Variants in PSMC2 observed in about 807,000 individuals in gnomAD.
PSMC2 encodes 26S proteasome regulatory subunit 7.
A neutral mutation model predicts 53.3 loss-of-function variants in PSMC2; 7 were observed. That is an observed-to-expected ratio of 0.13 (90% CI 0.07 to 0.25). The LOEUF (loss-of-function observed/expected upper bound fraction) is 0.25, where lower values mean the gene tolerates loss of function less well. Among genes scored for constraint, PSMC2 ranks in the 10% least tolerant of loss-of-function variants. PSMC2 has a pLI of 1.00. For synonymous variants in PSMC2, 169 were observed against 183.9 expected, an observed-to-expected ratio of 0.92 and a Z score of 0.66; for missense variants, 241 against 544.0, an observed-to-expected ratio of 0.44 and a Z score of 5.54.
chr7:103,367,869 GC>G lies in PSMC2; in HGVS notation c.1145-25del, dbSNP rs774110382. On this transcript the variant is annotated intron_variant, in intron 11 of 11. Coordinates refer to ENST00000292644, the MANE Select transcript of PSMC2 (RefSeq NM_002803.4). This position sits in a 1 kb window ranked among gnomAD's most constrained non-coding sequence, Gnocchi z 6.1. The stretch of plus-strand genomic sequence containing the variant: ...TGTCTGCTCAGGCTGCTTTAATTAA[GC>G]CCGTTTATTTTCTTTTTGTTTGAAA... 2 of 1,611,812 alleles carry G rather than the reference GC, an allele frequency of 1.2e-6. No homozygotes were observed. The highest frequency in any genetic ancestry group is 2.7e-5 in the African/African-American group (2 of 74,628).
chr7:103,356,503 C>T (rs147241387), intron 4 of PSMC2, among the ~76,000 whole-genome samples: 24 of 152,258 alleles, frequency 1.6e-4, no homozygotes, highest in African/African-American at 5.5e-4. Context: ...GTAAGATACG[C>T]AGTTTTCAAT....
In PSMC2 at chr7:103,361,454, G is replaced by A. The variant is rs1320605138; in HGVS notation, c.291-503G>A. ...GAACCCAAGAGGTGGAGGTTGCAGT[G>A]AGCCAAGATCACACCATTGTGTTTC... On this transcript the variant is annotated intron_variant, in intron 4 of 11. Coordinates refer to ENST00000292644, the MANE Select transcript of PSMC2 (RefSeq NM_002803.4). Among the ~76,000 whole-genome samples the A allele has an allele frequency of 4.3e-5, 6 of 138,074 alleles. No homozygotes were observed. The East Asian group carries it at 1.1e-3, about 26-fold the overall frequency. The allele number at this position is 138,074 out of a possible 152,430, so 90.6% of individuals were successfully genotyped here.
chr7:103,347,741 G>T lies in PSMC2; in HGVS notation c.30G>T (p.Arg10=). 1 of 1,613,934 alleles carries T rather than the reference G, an allele frequency of 6.2e-7. No individual in the cohort carries two copies. Residue 10 remains arginine (R), a synonymous_variant, in exon 1 of 12, where the codon CGG becomes CGT. Coordinates refer to ENST00000292644, the MANE Select transcript of PSMC2 (RefSeq NM_002803.4). MPDYLGADQ[R]KTKEDEKDDK... ...CGGATTACCTCGGTGCCGATCAGCG[G>T]AAGACCAAAGAGGATGAGAAGGACG...
At chr7:103,351,530 C>G (rs752395882) in intron 1 of PSMC2, among the ~76,000 whole-genome samples, 6 of 152,146 alleles carry the variant, frequency 3.9e-5, no homozygotes, top group Non-Finnish European at 7.4e-5. Context: ...TCTAGACTCC[C>G]TGAAGGAAGA....
At position 103,354,365 on chromosome 7, in the gene PSMC2, A is replaced by ATT. The variant is rs752847513; in HGVS notation, c.108+426_108+427dup. 5.3e-3 allele frequency among the ~76,000 whole-genome samples: 710 copies of ATT among 134,532 alleles called. 7 individuals are homozygous for ATT. The highest frequency in any genetic ancestry group is 0.018 in the African/African-American group (657 of 35,982). The allele number at this position is 134,532 out of a possible 152,430, so 88.3% of individuals were successfully genotyped here. ...ATAGTTTTGCATAATTTCACACACG[A>ATT]TTTTTTTTTTTTTTTTTTTTGAAAC... On this transcript the variant is annotated intron_variant, in intron 2 of 11. Transcript: ENST00000292644.
In PSMC2 at chr7:103,352,833, C is replaced by T; in HGVS notation, c.71-1088C>T. ...ACTAACAGATTCCAGAGCTGGCATT[C>T]AAACCCTGTCCACCTGGCCCCAAAG... is the stretch of plus-strand genomic sequence containing the variant. On this transcript the variant is annotated intron_variant, in intron 1 of 11. Transcript: ENST00000292644. The T allele has an allele frequency of 3.8e-6, 3 of 780,742 alleles. No individual in the cohort carries two copies. In the Admixed American group the frequency reaches 5.1e-5, roughly 13 times the overall value. 48.4% of individuals were successfully genotyped at this position (780,742 alleles called of 1,614,324 possible). A position where few individuals can be genotyped will look rare whatever the true frequency, so the allele number is the denominator to read the frequency against.
intron 7 of PSMC2, 36 bp downstream of exon 7, chr7:103,363,475 A>G (rs762704092): frequency 1.3e-6 from 2 of 1,549,952 alleles, no homozygotes; most frequent in Non-Finnish European, 8.9e-7. Context: ...ATTTCTTTGT[A>G]TAAAGATGTC....
At chr7:103,363,752 T>C (rs1460245947) in intron 7 of PSMC2, among the ~76,000 whole-genome samples, 1 of 152,166 alleles carries the variant, frequency 6.6e-6, no homozygotes, top group Non-Finnish European at 1.5e-5. Context: ...TCAAAAGACA[T>C]CGAGAAGAAA....
intron 2 of PSMC2, 82 bp downstream of exon 2, chr7:103,354,040 TAGA>T (rs1479174906): frequency 3.3e-5 from 37 of 1,125,866 alleles, no homozygotes; most frequent in East Asian, 1.5e-4. Context: ...CCAAAATAAT[TAGA>T]AGAAGTTAAG....
At chr7:103,363,651 G>T (rs1441371691) in intron 7 of PSMC2, among the ~76,000 whole-genome samples, 1 of 151,642 alleles carries the variant, frequency 6.6e-6, no homozygotes, top group African/African-American at 2.4e-5. Context: ...AAAAAAGAAA[G>T]ATCTGCTGTT....
intron 1 of PSMC2, among the ~76,000 whole-genome samples, chr7:103,349,200 A>G (rs886247108): frequency 3.9e-5 from 6 of 152,166 alleles, no homozygotes; most frequent in African/African-American, 1.4e-4. Context: ...CTGTCCCCCA[A>G]AAGAAAGCAT....
In PSMC2 at chr7:103,351,894, G is replaced by T. The variant is rs140258625; in HGVS notation, c.71-2027G>T. 9.9e-5 allele frequency among the ~76,000 whole-genome samples: 15 copies of T among 151,890 alleles called. No individual in the cohort carries two copies. In the East Asian group the frequency reaches 2.9e-3, roughly 29 times the overall value. On this transcript the variant is annotated intron_variant, in intron 1 of 11. Coordinates refer to ENST00000292644, the MANE Select transcript of PSMC2 (RefSeq NM_002803.4). ...ATGTGCTGTAGATTCTTCCTCTGAG[G>T]GTTTTTTTTTAATCCAACTCTTCCT...
chr7:103,357,335 A>T (rs1343878858), intron 4 of PSMC2, among the ~76,000 whole-genome samples: 2 of 151,912 alleles, frequency 1.3e-5, no homozygotes, highest in African/African-American at 4.8e-5. Context: ...TCAAAAAAAA[A>T]AAAAAAAGAA....
chr7:103,368,267 T>G lies in PSMC2; in HGVS notation c.*213T>G. 1 of 497,898 alleles carries G rather than the reference T, an allele frequency of 2.0e-6. No homozygotes were observed. The highest frequency in any genetic ancestry group is 3.7e-5 in the Admixed American group (1 of 26,710). The allele number at this position is 497,898 out of a possible 1,614,324, so 30.8% of individuals were successfully genotyped here. On this transcript the variant is annotated 3_prime_UTR_variant, in exon 12 of 12. Coordinates refer to ENST00000292644, the MANE Select transcript of PSMC2 (RefSeq NM_002803.4). Reference sequence around the variant, plus strand: ...ACTATTTTTTTGACCCACACCCGTTTAAGGATTTCACATCATACAAAGCGC... The same window carrying G: ...ACTATTTTTTTGACCCACACCCGTTGAAGGATTTCACATCATACAAAGCGC...
At chr7:103,356,151 C>G (rs1820020556) in intron 4 of PSMC2, among the ~76,000 whole-genome samples, 1 of 151,946 alleles carries the variant, frequency 6.6e-6, no homozygotes, top group East Asian at 1.9e-4. Context: ...GAAACATATC[C>G]TGATTTTTTT....
At chr7:103,350,000 T>G (rs1819693634) in intron 1 of PSMC2, among the ~76,000 whole-genome samples, 1 of 152,208 alleles carries the variant, frequency 6.6e-6, no homozygotes, top group South Asian at 2.1e-4. Flanking sequence ...TAATCCTGCC[T>G]TAGAGGAAGT....
intron 8 of PSMC2, among the ~76,000 whole-genome samples, chr7:103,364,980 TA>T (rs1820626660): frequency 6.9e-6 from 1 of 145,782 alleles, no homozygotes; most frequent in Non-Finnish European, 1.5e-5. Flanking sequence ...TATATATATA[TA>T]TATTTAGAGA....
intron 4 of PSMC2, 67 bp from the exon 5 acceptor site, chr7:103,361,890 C>G: frequency 6.8e-7 from 1 of 1,460,972 alleles, no homozygotes; most frequent in Non-Finnish European, 9.3e-7. Context: ...AGGATATAAT[C>G]TAGTTAGTTG....
At chr7:103,358,690 C>T (rs1250316153) in intron 4 of PSMC2, among the ~76,000 whole-genome samples, 1 of 151,822 alleles carries the variant, frequency 6.6e-6, no homozygotes, top group Non-Finnish European at 1.5e-5. Flanking sequence ...ATGTTCTGCT[C>T]TTATATCATG....
Sources: allele counts gnomAD v4.1 joint callset (sites outside exome capture counted in the v4.1 genomes callset), GRCh38; gene constraint gnomAD v4.1.1; non-coding constraint Gnocchi (gnomAD v3.1); transcripts MANE v1.5; gene names NCBI Gene and HGNC (gene_info 2026-07-23, HGNC 2026-07-21).